COQ8B: variants seen among roughly 807,000 people sequenced by gnomAD.
COQ8B encodes atypical kinase COQ8B, mitochondrial.
In COQ8B, 44 loss-of-function variants were observed where a neutral mutation model predicts 62.0. The observed-to-expected ratio is 0.71, with a 90% confidence interval of 0.56 to 0.91. The LOEUF is 0.91. Ranked by LOEUF, COQ8B falls within the 40% of genes least tolerant of loss-of-function variation. The pLI is 0.00. For missense variants in COQ8B, 649 were observed against 731.6 expected, an observed-to-expected ratio of 0.89 and a Z score of 1.30; for synonymous variants, 252 against 289.9, an observed-to-expected ratio of 0.87 and a Z score of 1.33.
At chr19:40,714,830 A>C (rs1599642069) in intron 1 of COQ8B, 195 bp from the exon 2 acceptor site, 8 of 1,322,690 alleles carry the variant, frequency 6.0e-6, no homozygotes, top group South Asian at 2.0e-5. Context: ...GCCTCCCAAA[A>C]CCCACTTTCC....
chr19:40,693,956 G>C (rs1230254588), intron 13 of COQ8B, among the ~76,000 whole-genome samples: 1 of 152,126 alleles, frequency 6.6e-6, no homozygotes, highest in African/African-American at 2.4e-5. Flanking sequence ...TGCTCCCCCT[G>C]CCCGAGCATG....
intron 13 of COQ8B, among the ~76,000 whole-genome samples, chr19:40,693,891 C>G (rs2081993442): frequency 6.6e-6 from 1 of 152,188 alleles, no homozygotes; most frequent in South Asian, 2.1e-4. Context: ...CCACTCACTA[C>G]TGGGTTGCCC....
At chr19:40,711,894 C>A (rs544905692) in intron 4 of COQ8B, among the ~76,000 whole-genome samples, 1 of 152,266 alleles carries the variant, frequency 6.6e-6, no homozygotes, top group African/African-American at 2.4e-5. Flanking sequence ...AAGTAATTTG[C>A]CCAGAGTCAC....
chr19:40,700,773 T>C, intron 10 of COQ8B: 1 of 302,498 alleles, frequency 3.3e-6, no homozygotes, highest in South Asian at 7.8e-5. Flanking sequence ...ATTTCAGCCT[T>C]TGCATTACTT....
At chr19:40,703,467 G>T in intron 9 of COQ8B, 74 bp downstream of exon 9, 1 of 1,447,888 alleles carries the variant, frequency 6.9e-7, no homozygotes, top group Non-Finnish European at 9.2e-7. Context: ...TCTCCTCTGG[G>T]CTCCCCCTCC....
In COQ8B at chr19:40,705,126, G is replaced by C; in HGVS notation, c.546C>G (p.Ser182Arg). Residue 182 changes from serine (S) to arginine (R), a missense_variant, in exon 7 of 15, where the codon AGC (serine) becomes AGG (arginine). Coordinates refer to ENST00000324464, the MANE Select transcript of COQ8B (RefSeq NM_024876.4). ...TCTGCCAGCGGGGCATGAAGTCGGC[G>C]CTCTGGCGGACCCGCTCAAAGATGT... ...LQHIFERVRQ[S>R]ADFMPRWQML... The C allele has an allele frequency of 6.2e-7, 1 of 1,612,194 alleles. No individual in the cohort carries two copies. Among genetic ancestry groups the C allele is most frequent in the Non-Finnish European group, 8.5e-7 (1 of 1,179,212 alleles).
rs58313890 is a variant in COQ8B, at chr19:40,697,875, G to GAGAGAGAGAGAGAGAGAGAGAGAGAGGC, written c.1144-1822_1144-1821insGCCTCTCTCTCTCTCTCTCTCTCTCTCT. 1.9e-5 allele frequency among the ~76,000 whole-genome samples: 2 copies of GAGAGAGAGAGAGAGAGAGAGAGAGAGGC among 103,470 alleles called. 1 individual carries two copies. Among genetic ancestry groups the GAGAGAGAGAGAGAGAGAGAGAGAGAGGC allele is most frequent in the Non-Finnish European group, 3.8e-5 (2 of 52,334 alleles). 67.9% of individuals were successfully genotyped at this position (103,470 alleles called of 152,430 possible). A position where few individuals can be genotyped will look rare whatever the true frequency, so the allele number is the denominator to read the frequency against. ...ATAGAGAGAGAGAGAGAGAGAGAGA[G>GAGAGAGAGAGAGAGAGAGAGAGAGAGGC]AGTTTCTACTGGGCGTTCATGCAAA... On this transcript the variant is annotated intron_variant, in intron 12 of 14. Coordinates refer to ENST00000324464, the MANE Select transcript of COQ8B (RefSeq NM_024876.4).
At chr19:40,713,702 C>CTCTGTCTCCT (rs1568444099) in intron 4 of COQ8B, among the ~76,000 whole-genome samples, 2,634 of 146,004 alleles carry the variant, frequency 0.018, 76 homozygotes, top group African/African-American at 0.063. Context: ...GGCAACAGAG[C>CTCTGTCTCCT]GAGACTCTGT....
At chr19:40,711,237 CTT>C (rs1435786862) in intron 4 of COQ8B, among the ~76,000 whole-genome samples, 1 of 151,894 alleles carries the variant, frequency 6.6e-6, no homozygotes, top group East Asian at 1.9e-4. Flanking sequence ...ATGCTTATCT[CTT>C]TTTCTTTTTA....
intron 4 of COQ8B, among the ~76,000 whole-genome samples, chr19:40,710,984 A>G (rs4803359): frequency 0.023 from 3,551 of 152,086 alleles, 52 homozygotes; most frequent in Non-Finnish European, 0.034. Context: ...ATACAAAATC[A>G]GCCGGGCGTG....
At chr19:40,710,181 C>G in intron 4 of COQ8B, 45 bp from the exon 5 acceptor site, 1 of 1,560,182 alleles carries the variant, frequency 6.4e-7, no homozygotes, top group Non-Finnish European at 8.8e-7. Context: ...GCCTGGGGTG[C>G]CCCCAGCCTA....
At position 40,692,303 on chromosome 19, in the gene COQ8B, T is replaced by C; in HGVS notation, c.1367A>G (p.Asp456Gly). 1 of 1,613,462 alleles carries C rather than the reference T, an allele frequency of 6.2e-7. No homozygotes were observed. ...GEPFATQGPYDFGSGETARRI... is the reference protein window; with the variant it reads ...GEPFATQGPYGFGSGETARRI... ...GCGGGCCGTTTCCCCCGACCCAAAG[T>C]CATAAGGGCCCTGGGTGGCGAAAGG... is the stretch of plus-strand genomic sequence containing the variant. Residue 456 changes from aspartate to glycine, a missense_variant, in exon 15 of 15, where the codon GAC (aspartate) becomes GGC (glycine). By Grantham distance (94) the Asp-to-Gly change is moderately conservative. Transcript: ENST00000324464.
chr19:40,704,119 A>T, intron 7 of COQ8B: 3 of 384,152 alleles, frequency 7.8e-6, no homozygotes, highest in East Asian at 4.7e-5. Context: ...GGGGATTGCT[A>T]TTATTTATAG....
chr19:40,714,093 C>A lies in COQ8B; in HGVS notation c.263G>T (p.Arg88Leu). The change falls in exon 4 of 15, where the codon CGC (arginine) becomes CTC (leucine). Residue 88 changes from arginine to leucine, a missense_variant. Transcript: ENST00000324464. Reference protein sequence around the residue: ...RSRERKVPASRISRLANFGGL... With the variant: ...RSRERKVPASLISRLANFGGL... ...CCCAAAGTTGGCCAAGCGGCTGATG[C>A]GGGAGGCAGGCACCTTGCGTTCTCG... The A allele has an allele frequency of 1.2e-6, 2 of 1,614,040 alleles. No homozygotes were observed. Among genetic ancestry groups the A allele is most frequent in the South Asian group, 1.1e-5 (1 of 91,078 alleles).
intron 4 of COQ8B, among the ~76,000 whole-genome samples, chr19:40,712,429 A>AC (rs146327207): frequency 6.7e-6 from 1 of 150,180 alleles, no homozygotes; most frequent in Non-Finnish European, 1.5e-5. Context: ...AAAAAAAAAA[A>AC]CAACAAAAAA....
rs1290386996 is a variant in COQ8B, at chr19:40,697,851, T to TAGAGAGAGAGAGAGAG, written c.1144-1813_1144-1798dup. Among the ~76,000 whole-genome samples, 13 of 54,732 alleles carry TAGAGAGAGAGAGAGAG rather than the reference T, an allele frequency of 2.4e-4. 1 individual carries two copies. The highest frequency in any genetic ancestry group is 1.2e-3 in the African/African-American group (12 of 10,224). 35.9% of individuals were successfully genotyped at this position (54,732 alleles called of 152,430 possible). ...ATATATATATATATATATATATATA[T>TAGAGAGAGAGAGAGAG]AGAGAGAGAGAGAGAGAGAGAGAGA... On this transcript the variant is annotated intron_variant, in intron 12 of 14. Coordinates refer to ENST00000324464, the MANE Select transcript of COQ8B (RefSeq NM_024876.4).
chr19:40,705,837 G>A (rs1468731558), intron 5 of COQ8B, among the ~76,000 whole-genome samples: 1 of 151,876 alleles, frequency 6.6e-6, no homozygotes, highest in Non-Finnish European at 1.5e-5. Context: ...GGCTGAGGCA[G>A]GAGGATTGCT....
chr19:40,703,379 T>C (rs2082076071), intron 9 of COQ8B, 162 bp downstream of exon 9: 3 of 707,886 alleles, frequency 4.2e-6, no homozygotes, highest in Non-Finnish European at 6.9e-6. Context: ...CTGCTCATGC[T>C]CCCTGGGCTC....
rs190454084 is a variant in COQ8B at position 40,716,202 on chromosome 19, T to A, written c.-4+385A>T. Among the ~76,000 whole-genome samples, 3 of 152,306 alleles carry A rather than the reference T, an allele frequency of 2.0e-5. No homozygotes were observed. In the East Asian group the frequency reaches 5.8e-4, roughly 29 times the overall value. Reference sequence around the variant, plus strand: ...GTGACTCATTTTAGAGCCTTGGACCTGTGCCCAATGTCTCCCCCAGTTGAC... The same window carrying A: ...GTGACTCATTTTAGAGCCTTGGACCAGTGCCCAATGTCTCCCCCAGTTGAC... On this transcript the variant is annotated intron_variant, in intron 1 of 14. Coordinates refer to ENST00000324464, the MANE Select transcript of COQ8B (RefSeq NM_024876.4).
Sources: gnomAD v4.1 joint callset for allele counts (sites outside exome capture counted in the v4.1 genomes callset) on GRCh38, gnomAD v4.1.1 for gene constraint, MANE v1.5 for transcripts, NCBI Gene and HGNC (gene_info 2026-07-23, HGNC 2026-07-21) for gene names.